The following XKR6 variants were observed in gnomAD, a reference collection of about 807,000 sequenced individuals.
XKR6 encodes XK-related protein 6.
Under a neutral mutation model 56.7 loss-of-function variants are expected in XKR6, and 22 were observed. That is an observed-to-expected ratio of 0.39 (90% CI 0.28 to 0.55). XKR6 has a LOEUF of 0.55. Among genes scored for constraint, XKR6 ranks in the 20% least tolerant of loss-of-function variants. XKR6 has a pLI of 0.66. For missense variants in XKR6, 852 were observed against 889.0 expected, an observed-to-expected ratio of 0.96 and a Z score of 0.53; for synonymous variants, 524 against 387.8, an observed-to-expected ratio of 1.35 and a Z score of -4.13.
intron 1 of XKR6, among the ~76,000 whole-genome samples, chr8:10,926,135 T>G (rs531575500): frequency 6.6e-6 from 1 of 152,302 alleles, no homozygotes; most frequent in Admixed American, 6.5e-5. Context: ...GCTGACACCC[T>G]ATCCAGGCCC....
intron 1 of XKR6, among the ~76,000 whole-genome samples, chr8:11,180,324 G>T (rs556352105): frequency 6.6e-6 from 1 of 152,174 alleles, no homozygotes; most frequent in Non-Finnish European, 1.5e-5. Context: ...TGACTGTCCA[G>T]GTCAGGTTTC....
intron 1 of XKR6, among the ~76,000 whole-genome samples, chr8:11,078,330 C>T (rs7463505): frequency 0.22 from 33,621 of 152,074 alleles, 4,119 homozygotes; most frequent in African/African-American, 0.32. Flanking sequence ...AAATGAGACC[C>T]AGAGAGCTCC....
chr8:11,003,862 C>A (rs7815769), intron 1 of XKR6, among the ~76,000 whole-genome samples: 20,324 of 152,142 alleles, frequency 0.13, 4,198 homozygotes, highest in African/African-American at 0.44. Flanking sequence ...CAAAAGGTTC[C>A]CAAGGGAGAA....
chr8:10,925,846 G>A (rs1276037029), intron 1 of XKR6, among the ~76,000 whole-genome samples: 1 of 152,180 alleles, frequency 6.6e-6, no homozygotes, highest in Non-Finnish European at 1.5e-5. Flanking sequence ...GTGTCTCCAA[G>A]GCAAGAGAAG....
At position 11,200,309 on chromosome 8, in the gene XKR6, G is replaced by A. The variant is rs903073427; in HGVS notation, c.764+267C>T. Among the ~76,000 whole-genome samples the A allele has an allele frequency of 4.6e-5, 7 of 152,248 alleles. No homozygotes were observed. The highest frequency in any genetic ancestry group is 1.0e-4 in the Non-Finnish European group (7 of 68,036). On this transcript the variant is annotated intron_variant, in intron 1 of 2. Coordinates refer to ENST00000416569, the MANE Select transcript of XKR6 (RefSeq NM_173683.4). The surrounding 1 kb of genome is among the most constrained non-coding windows in gnomAD (Gnocchi z 6.4). ...GAACGGAGCTCTGCAGAGGGGACGG[G>A]GAGGGCAGGTTGGGGCAAGAGCCCC...
At position 10,901,599 on chromosome 8, in the gene XKR6, A is replaced by T. The variant is rs984586640; in HGVS notation, c.962-2683T>A. Among the ~76,000 whole-genome samples the T allele has an allele frequency of 3.3e-5, 5 of 152,152 alleles. No homozygotes were observed. The South Asian group carries it at 1.0e-3, about 32-fold the overall frequency. The stretch of plus-strand genomic sequence containing the variant: ...ATTCACTGCTTGATGTTAATCATGA[A>T]CATCTGGTAGGTCCTACCGACCCAT... On this transcript the variant is annotated intron_variant, in intron 2 of 2. Transcript: ENST00000416569.
At chr8:11,157,612 C>A (rs1193174403) in intron 1 of XKR6, among the ~76,000 whole-genome samples, 1 of 152,038 alleles carries the variant, frequency 6.6e-6, no homozygotes, top group African/African-American at 2.4e-5. Context: ...AATTCCTGGA[C>A]CCAAGGGATG....
intron 1 of XKR6, among the ~76,000 whole-genome samples, chr8:10,979,747 T>C (rs923726146): frequency 2.0e-5 from 3 of 152,172 alleles, no homozygotes; most frequent in African/African-American, 7.2e-5. Flanking sequence ...CTGTGGCTAC[T>C]TGGACCCTCC....
intron 1 of XKR6, among the ~76,000 whole-genome samples, chr8:10,954,030 G>A: frequency 6.6e-6 from 1 of 152,168 alleles, no homozygotes. Flanking sequence ...TCCATTATAT[G>A]TATATACCAC....
chr8:11,185,834 G>A lies in XKR6; in HGVS notation c.764+14742C>T, dbSNP rs560033372. Among the ~76,000 whole-genome samples the A allele has an allele frequency of 7.0e-4, 107 of 152,272 alleles. 4 individuals are homozygous for A. The South Asian group carries it at 0.022, about 31-fold the overall frequency. ...AGAAAAATTATTTAAAACTCCAGTTGTATAATTTCAAGATAGTTTAGTGTA... is the reference window on the plus strand; with the variant it reads ...AGAAAAATTATTTAAAACTCCAGTTATATAATTTCAAGATAGTTTAGTGTA... On this transcript the variant is annotated intron_variant, in intron 1 of 2. Transcript: ENST00000416569.
At chr8:11,012,006 T>G (rs1471397462) in intron 1 of XKR6, among the ~76,000 whole-genome samples, 1 of 152,230 alleles carries the variant, frequency 6.6e-6, no homozygotes, top group Non-Finnish European at 1.5e-5. Context: ...GGTGTCCACA[T>G]GTCTGTGACA....
chr8:11,080,471 T>C (rs1477394548), intron 1 of XKR6, among the ~76,000 whole-genome samples: 3 of 152,256 alleles, frequency 2.0e-5, no homozygotes, highest in Non-Finnish European at 4.4e-5. Context: ...TTTAACTATT[T>C]ATCTATTTCT....
intron 1 of XKR6, among the ~76,000 whole-genome samples, chr8:11,038,900 C>T (rs1799214917): frequency 6.6e-6 from 1 of 152,090 alleles, no homozygotes; most frequent in Admixed American, 6.5e-5. Context: ...CCAGAGGCAG[C>T]TAGGTGGGCT....
rs1017583076 is a variant in XKR6, at chr8:11,115,923, G to A, written c.764+84653C>T. Among the ~76,000 whole-genome samples the A allele has an allele frequency of 2.0e-5, 3 of 152,202 alleles. No homozygotes were observed. In the East Asian group the frequency reaches 5.8e-4, roughly 29 times the overall value. On this transcript the variant is annotated intron_variant, in intron 1 of 2. Coordinates refer to ENST00000416569, the MANE Select transcript of XKR6 (RefSeq NM_173683.4). ...AATATCTTGACAAATACTACCAAGT[G>A]AAATGTTTTGACTCTGAAGTTCATA...
chr8:10,914,363 A>G (rs948681469), intron 2 of XKR6, among the ~76,000 whole-genome samples: 4 of 152,154 alleles, frequency 2.6e-5, no homozygotes, highest in Non-Finnish European at 4.4e-5. Context: ...ACAAGAAGAT[A>G]GTATTCGTGA....
intron 1 of XKR6, among the ~76,000 whole-genome samples, chr8:11,078,709 G>A (rs1294399993): frequency 6.6e-6 from 1 of 152,196 alleles, no homozygotes; most frequent in Non-Finnish European, 1.5e-5. Context: ...GTCCAGGAAG[G>A]TGCTAGCAGT....
At chr8:10,954,886 T>TTTTTTTTTTTTTTTTTTTC (rs1801834290) in intron 1 of XKR6, among the ~76,000 whole-genome samples, 1 of 147,424 alleles carries the variant, frequency 6.8e-6, no homozygotes, top group Non-Finnish European at 1.5e-5. Flanking sequence ...TTTTTTTTTT[T>TTTTTTTTTTTTTTTTTTTC]AGACAGAGTT....
At chr8:10,938,026 C>T (rs1190220997) in intron 1 of XKR6, among the ~76,000 whole-genome samples, 1 of 152,122 alleles carries the variant, frequency 6.6e-6, no homozygotes, top group Admixed American at 6.5e-5. Context: ...AGTTTGATCT[C>T]AGACTGCTGT....
chr8:10,906,326 T>G (rs1800189385), intron 2 of XKR6, among the ~76,000 whole-genome samples: 1 of 152,146 alleles, frequency 6.6e-6, no homozygotes, highest in Non-Finnish European at 1.5e-5. Context: ...TTGAAAAGCT[T>G]GGTGGGTGTC....
Sources: allele counts gnomAD v4.1 joint callset (sites outside exome capture counted in the v4.1 genomes callset), GRCh38; gene constraint gnomAD v4.1.1; non-coding constraint Gnocchi (gnomAD v3.1); transcripts MANE v1.5; gene names NCBI Gene and HGNC (gene_info 2026-07-23, HGNC 2026-07-21).